Variants in ATP2B2 observed in about 807,000 individuals in gnomAD.
The protein encoded by ATP2B2 is ATPase plasma membrane Ca2+ transporting 2.
ATP2B2 carries 15 observed loss-of-function variants against 120.0 expected under a neutral mutation model. The ratio of observed to expected loss-of-function variants is 0.12; its 90% CI spans 0.08 to 0.19. The LOEUF (loss-of-function observed/expected upper bound fraction) is 0.19. Ranked by LOEUF, ATP2B2 falls within the 10% of genes least tolerant of loss-of-function variation. The pLI is 1.00. For missense variants in ATP2B2, 1,045 were observed against 1,719.8 expected, an observed-to-expected ratio of 0.61 and a Z score of 6.94; for synonymous variants, 694 against 700.3, an observed-to-expected ratio of 0.99 and a Z score of 0.14.
intron 12 of ATP2B2, among the ~76,000 whole-genome samples, chr3:10,362,390 C>T (rs889010860): frequency 1.3e-5 from 2 of 152,184 alleles, no homozygotes; most frequent in African/African-American, 2.4e-5. Flanking sequence ...AGAGCAGACC[C>T]GATTCACATG....
chr3:10,688,525 C>G (rs2071579676), intron 1 of ATP2B2, among the ~76,000 whole-genome samples: 2 of 152,226 alleles, frequency 1.3e-5, no homozygotes. Context: ...AAAAATTAGT[C>G]CAACTCCATT....
intron 1 of ATP2B2, among the ~76,000 whole-genome samples, chr3:10,631,121 G>A (rs2069853290): frequency 6.6e-6 from 1 of 152,228 alleles, no homozygotes; most frequent in Admixed American, 6.5e-5. Flanking sequence ...TTCTTTATCT[G>A]TAAATCTGTA....
intron 2 of ATP2B2, among the ~76,000 whole-genome samples, chr3:10,442,693 G>C (rs1210627886): frequency 6.6e-6 from 1 of 152,064 alleles, no homozygotes; most frequent in East Asian, 1.9e-4. Context: ...AGACTCACAT[G>C]CATTGCTCAA....
In ATP2B2 at chr3:10,598,614, C is replaced by T. The variant is rs377596069; in HGVS notation, c.-415+21303G>A. ...TTCCTCCACAACTTACTCTAGACGG[C>T]TTCTTACCTTTGAGCTTTCATCCCT... On this transcript the variant is annotated intron_variant, in intron 2 of 21. Transcript: ENST00000646379. Among the ~76,000 whole-genome samples the T allele has an allele frequency of 4.6e-5, 7 of 152,312 alleles. No homozygotes were observed. The East Asian group carries it at 1.4e-3, about 29-fold the overall frequency.
intron 12 of ATP2B2, among the ~76,000 whole-genome samples, chr3:10,362,721 C>T (rs2060937604): frequency 6.6e-6 from 1 of 152,172 alleles, no homozygotes; most frequent in Non-Finnish European, 1.5e-5. Context: ...TGCCCCACTC[C>T]CAAGCTCTTT....
At chr3:10,568,193 G>A (rs923943148) in intron 2 of ATP2B2, among the ~76,000 whole-genome samples, 1 of 152,190 alleles carries the variant, frequency 6.6e-6, no homozygotes, top group East Asian at 1.9e-4. Flanking sequence ...GCCACACCAA[G>A]GACAGCTCGC....
chr3:10,334,640 C>T (rs190812343), intron 22 of ATP2B2, among the ~76,000 whole-genome samples: 98 of 152,330 alleles, frequency 6.4e-4, no homozygotes, highest in African/African-American at 2.2e-3. Flanking sequence ...CCCAGCACTG[C>T]GTTTCTGTGC....
chr3:10,339,920 GTGAT>G (rs2060226929), intron 21 of ATP2B2, among the ~76,000 whole-genome samples: 1 of 152,210 alleles, frequency 6.6e-6, no homozygotes, highest in Non-Finnish European at 1.5e-5. Flanking sequence ...TTTATGACAA[GTGAT>G]ACTGATTTTT....
intron 1 of ATP2B2, among the ~76,000 whole-genome samples, chr3:10,680,924 C>T (rs774757238): frequency 4.6e-5 from 7 of 152,102 alleles, no homozygotes; most frequent in Non-Finnish European, 1.0e-4. Flanking sequence ...TGAATGGTGG[C>T]GGCAGATTTC....
At chr3:10,561,702 T>C (rs147048569) in intron 2 of ATP2B2, among the ~76,000 whole-genome samples, 10 of 152,230 alleles carry the variant, frequency 6.6e-5, no homozygotes, top group Middle Eastern at 3.2e-3. Context: ...CAAGATCTGA[T>C]GGTTTTATAA....
chr3:10,456,138 A>G (rs1575282187), intron 1 of ATP2B2, among the ~76,000 whole-genome samples: 1 of 152,322 alleles, frequency 6.6e-6, no homozygotes, highest in East Asian at 1.9e-4. Flanking sequence ...GAAGGAATCT[A>G]TCTTTCGAAG....
chr3:10,344,306 A>C (rs1322393378), intron 18 of ATP2B2, among the ~76,000 whole-genome samples: 4 of 152,040 alleles, frequency 2.6e-5, no homozygotes, highest in African/African-American at 9.7e-5. Context: ...GGGCCGCAGG[A>C]GTGTTCCTCA....
rs1052863822 is a variant in ATP2B2 at position 10,389,927 on chromosome 3, G to A, written c.782-1525C>T. On this transcript the variant is annotated intron_variant, in intron 5 of 22. Coordinates refer to ENST00000360273, the MANE Select transcript of ATP2B2 (RefSeq NM_001001331.4). Reference sequence around the variant, plus strand: ...CCCAGTTCTAGCAGCGAGGGAATGCGGCACTGCTGGTCCTTTGTCCTTTGA... The same window carrying A: ...CCCAGTTCTAGCAGCGAGGGAATGCAGCACTGCTGGTCCTTTGTCCTTTGA... 1.6e-4 allele frequency among the ~76,000 whole-genome samples: 24 copies of A among 152,188 alleles called. No homozygotes were observed. In the South Asian group the frequency reaches 1.9e-3, roughly 12 times the overall value.
intron 1 of ATP2B2, among the ~76,000 whole-genome samples, chr3:10,630,726 A>C (rs562832449): frequency 6.6e-6 from 1 of 152,290 alleles, no homozygotes; most frequent in Admixed American, 6.5e-5. Flanking sequence ...TACTGCACTT[A>C]AAACTTTATA....
In ATP2B2 at chr3:10,462,027, G is replaced by C. The variant is rs2064513173; in HGVS notation, c.-319-12165C>G. Among the ~76,000 whole-genome samples, 3 of 151,974 alleles carry C rather than the reference G, an allele frequency of 2.0e-5. No individual in the cohort carries two copies. In the South Asian group the frequency reaches 6.2e-4, roughly 32 times the overall value. ...AGGCCTCCATGGCTTCTCTGTTTTG[G>C]GGTAACTGTAGGTTTCCCCATGGTC... On this transcript the variant is annotated intron_variant, in intron 1 of 22. Coordinates refer to ENST00000360273, the MANE Select transcript of ATP2B2 (RefSeq NM_001001331.4).
At chr3:10,497,872 G>A (rs191390351) in intron 1 of ATP2B2, among the ~76,000 whole-genome samples, 5 of 152,314 alleles carry the variant, frequency 3.3e-5, no homozygotes, top group Middle Eastern at 3.4e-3. Context: ...GATTGTTTCA[G>A]AGTGGACACA....
intron 3 of ATP2B2, among the ~76,000 whole-genome samples, chr3:10,519,533 C>T (rs76550941): frequency 0.028 from 4,241 of 152,200 alleles, 134 homozygotes; most frequent in East Asian, 0.15. Context: ...ACGTGAGAGG[C>T]GTTGGAGTTC....
At chr3:10,658,393 CCTT>C in intron 1 of ATP2B2, among the ~76,000 whole-genome samples, 1 of 152,122 alleles carries the variant, frequency 6.6e-6, no homozygotes, top group Non-Finnish European at 1.5e-5. Flanking sequence ...GTAGAGAAGT[CCTT>C]AAATGACCTG....
At chr3:10,576,750 G>A (rs150816903) in intron 2 of ATP2B2, among the ~76,000 whole-genome samples, 2 of 152,038 alleles carry the variant, frequency 1.3e-5, no homozygotes, top group Non-Finnish European at 2.9e-5. Flanking sequence ...GCATAACGTG[G>A]GAGGCTGTCT....
Sources: allele counts gnomAD v4.1 joint callset (sites outside exome capture counted in the v4.1 genomes callset), GRCh38; gene constraint gnomAD v4.1.1; transcripts MANE v1.5; gene names NCBI Gene and HGNC (gene_info 2026-07-23, HGNC 2026-07-21).